Variants in CDRT15 observed in about 807,000 individuals in gnomAD.
CDRT15 encodes the protein CMT1A duplicated region transcript 15 protein.
Under a neutral mutation model 14.9 loss-of-function variants are expected in CDRT15, and 9 were observed. That is an observed-to-expected ratio of 0.60 (90% CI 0.36 to 1.06). The LOEUF (loss-of-function observed/expected upper bound fraction) is 1.06, where lower values mean the gene tolerates loss of function less well. Among genes scored for constraint, CDRT15 ranks in the 50% least tolerant of loss-of-function variants. The probability of loss-of-function intolerance (pLI) is 0.01; values close to 1 mark genes in which losing one functional copy is unlikely to be tolerated. For missense variants in CDRT15, 117 were observed against 235.3 expected (o/e 0.50, Z 3.29); for synonymous variants, 50 against 96.6 (o/e 0.52, Z 2.83).
Position 14,236,857 on chromosome 17 carries a change from C to A in CDRT15, c.-24G>T. 6.3e-7 allele frequency: 1 copy of A among 1,592,126 alleles called. No homozygotes were observed. Among genetic ancestry groups the A allele is most frequent in the South Asian group, 1.2e-5 (1 of 86,816 alleles). On this transcript the variant is annotated 5_prime_UTR_variant, in exon 1 of 3. Transcript: ENST00000420162. ...ATCTTGCTCTCTTGAGCGACTCCCA[C>A]CAAGTGAGCTGTTTACGGCGCTGAC...
chr17:14,236,212 C>G (rs1422975620), intron 2 of CDRT15, 70 bp downstream of exon 2: 51 of 1,588,958 alleles, frequency 3.2e-5, no homozygotes, highest in Middle Eastern at 2.1e-4. Context: ...CTGGTCACCC[C>G]CTCCCTCCCA....
At chr17:14,236,210 C>A (rs1387096597) in intron 2 of CDRT15, 72 bp downstream of exon 2, 4 of 1,587,504 alleles carry the variant, frequency 2.5e-6, no homozygotes, top group Non-Finnish European at 2.6e-6. Flanking sequence ...TGCTGGTCAC[C>A]CCCTCCCTCC....
chr17:14,236,022 A>G lies in CDRT15; in HGVS notation c.412-11T>C, dbSNP rs781317668. 3.7e-5 allele frequency: 60 copies of G among 1,609,756 alleles called. No homozygotes were observed. The highest frequency in any genetic ancestry group is 4.9e-5 in the Non-Finnish European group (58 of 1,177,894). ...GCTCTCCGGCACCTCCTGCACACAG[A>G]TAAACCAGGATCAGGAGAATAAACG... On this transcript the variant is annotated splice_polypyrimidine_tract_variant and intron_variant, in intron 2 of 2. Coordinates refer to ENST00000420162, the MANE Select transcript of CDRT15 (RefSeq NM_001007530.3).
Position 14,236,680 on chromosome 17 carries a change from G to A in CDRT15, c.154C>T (p.Leu52=), listed in dbSNP as rs980563118. Residue 52 remains leucine, a synonymous_variant, in exon 1 of 3, where the codon CTG becomes TTG. Coordinates refer to ENST00000420162, the MANE Select transcript of CDRT15 (RefSeq NM_001007530.3). ...IRRIQVPQDS[L]GQALAGQATP... The stretch of plus-strand genomic sequence containing the variant: ...GCCTGGCCTGCTAGGGCCTGCCCCA[G>A]GCTGTCCTGTGGTACCTGGATGCGC... 1.2e-6 allele frequency: 2 copies of A among 1,610,980 alleles called. No homozygotes were observed. The highest frequency in any genetic ancestry group is 8.5e-7 in the Non-Finnish European group (1 of 1,178,914).
Position 14,236,269 on chromosome 17 carries a change from C to G in CDRT15, c.411+13G>C. On this transcript the variant is annotated intron_variant, in intron 2 of 2. Transcript: ENST00000420162. ...TCAGTTCCAGGGTTAGGGCTAGTGGCTACAGTACGTGCCGTGATTTCAGGC... is the reference window on the plus strand; with the variant it reads ...TCAGTTCCAGGGTTAGGGCTAGTGGGTACAGTACGTGCCGTGATTTCAGGC... 2 of 1,611,120 alleles carry G rather than the reference C, an allele frequency of 1.2e-6. No homozygotes were observed. Among genetic ancestry groups the G allele is most frequent in the Non-Finnish European group, 1.7e-6 (2 of 1,179,172 alleles).
rs1216669385 is a variant in CDRT15, at chr17:14,236,733, G to A, written c.101C>T (p.Pro34Leu). 1 of 1,612,074 alleles carries A rather than the reference G, an allele frequency of 6.2e-7. No individual in the cohort carries two copies. Among genetic ancestry groups the A allele is most frequent in the South Asian group, 1.1e-5 (1 of 90,982 alleles). Residue 34 changes from proline to leucine, a missense_variant, in exon 1 of 3, where the codon CCC (proline) becomes CTC (leucine). Pro to Leu is a moderately conservative substitution (Grantham distance 98). Coordinates refer to ENST00000420162, the MANE Select transcript of CDRT15 (RefSeq NM_001007530.3). ...RRCRRRLIPH[P>L]RRLSPVVIRR... ...TATTACAACGGGCGACAGGCGTCTG[G>A]GGTGAGGGATGAGCCTTCTTCGGCA...
rs1907418131 is a variant in CDRT15 at position 14,236,810 on chromosome 17, A to G, written c.24T>C (p.Thr8=). 1 of 1,611,290 alleles carries G rather than the reference A, an allele frequency of 6.2e-7. No individual in the cohort carries two copies. The highest frequency in any genetic ancestry group is 1.7e-5 in the Admixed American group (1 of 59,956). Residue 8 remains threonine, a synonymous_variant, in exon 1 of 3, where the codon ACT becomes ACC. Transcript: ENST00000420162. ...CATTCCTGAAGCAGCAACCTCTCGA[A>G]GTGGGGAAGCAACACGAGAACATCT... MFSCCFP[T]SRGCCFRNGG...
At chr17:14,236,172 G>A (rs1907378979) in intron 2 of CDRT15, 110 bp downstream of exon 2, 2 of 1,541,486 alleles carry the variant, frequency 1.3e-6, no homozygotes, top group Non-Finnish European at 1.8e-6. Flanking sequence ...AGGACTAGGG[G>A]CAGCATGGGA....
chr17:14,236,819 G>A lies in CDRT15; in HGVS notation c.15C>T (p.Cys5=), dbSNP rs1218479136. The A allele has an allele frequency of 1.2e-6, 2 of 1,610,520 alleles. No individual in the cohort carries two copies. Among genetic ancestry groups the A allele is most frequent in the Non-Finnish European group, 8.5e-7 (1 of 1,178,984 alleles). Residue 5 remains cysteine, a synonymous_variant, in exon 1 of 3, where the codon TGC becomes TGT. Coordinates refer to ENST00000420162, the MANE Select transcript of CDRT15 (RefSeq NM_001007530.3). MFSC[C]FPTSRGCCFR... ...AGCAGCAACCTCTCGAAGTGGGGAA[G>A]CAACACGAGAACATCTTGCTCTCTT...
At position 14,236,601 on chromosome 17, in the gene CDRT15, A is replaced by G. The variant is rs1907404265; in HGVS notation, c.233T>C (p.Ile78Thr). Residue 78 changes from isoleucine (I) to threonine (T), a missense_variant, in exon 1 of 3, where the codon ATT (isoleucine) becomes ACT (threonine). Ile to Thr is a moderately conservative substitution (Grantham distance 89, BLOSUM62 -1). This residue lies in a region of CDRT15 where 61 missense variants were observed against 138.2 expected (regional missense o/e 0.44). Transcript: ENST00000420162. ...TGTCTGTGCCTCAATGAGCTCCTGA[A>G]TCTCCTGGACAAGGACAGTGTGCAG... The part of the protein sequence containing the change: ...LQLHTVLVQE[I>T]QELIEAQTLA... 1 of 1,508,858 alleles carries G rather than the reference A, an allele frequency of 6.6e-7. No homozygotes were observed. Among genetic ancestry groups the G allele is most frequent in the African/African-American group, 1.4e-5 (1 of 71,762 alleles). The allele number at this position is 1,508,858 out of a possible 1,614,324, so 93.5% of individuals were successfully genotyped here. A position where few individuals can be genotyped will look rare whatever the true frequency, so the allele number is the denominator to read the frequency against.
chr17:14,236,778 C>T lies in CDRT15; in HGVS notation c.56G>A (p.Ser19Asn), dbSNP rs140867188. The part of the protein sequence containing the change: ...SRGCCFRNGG[S>N]ESLFRRCRRR... ...TCGGCATCGTCGGAAAAGGCTCTCA[C>T]TCCCTCCATTCCTGAAGCAGCAACC... is the stretch of plus-strand genomic sequence containing the variant. The change falls in exon 1 of 3, where the codon AGT becomes AAT. Residue 19 changes from serine to asparagine, a missense_variant. This residue lies in a region of CDRT15 where 50 missense variants were observed against 48.8 expected (regional missense o/e 1.03). Coordinates refer to ENST00000420162, the MANE Select transcript of CDRT15 (RefSeq NM_001007530.3). 3.4e-5 allele frequency: 54 copies of T among 1,611,156 alleles called. No individual in the cohort carries two copies. Among genetic ancestry groups the T allele is most frequent in the Non-Finnish European group, 4.0e-5 (47 of 1,179,456 alleles).
In CDRT15 at chr17:14,236,403, G is replaced by C; in HGVS notation, c.290C>G (p.Ala97Gly). 1 of 1,607,806 alleles carries C rather than the reference G, an allele frequency of 6.2e-7. No homozygotes were observed. The highest frequency in any genetic ancestry group is 1.7e-5 in the Admixed American group (1 of 59,042). The change falls in exon 2 of 3, where the codon GCA (alanine) becomes GGA (glycine). Residue 97 changes from alanine to glycine, a missense_variant. Physicochemically the swap from Ala to Gly is moderately conservative, Grantham distance 60. This residue lies in a region of CDRT15 where 61 missense variants were observed against 138.2 expected (regional missense o/e 0.44). Coordinates refer to ENST00000420162, the MANE Select transcript of CDRT15 (RefSeq NM_001007530.3). ...TGGCTCCGCCGCTGGTGCTGGCAGT[G>C]CTCTTACTTCTGCACATGGACCAGG... The part of the protein sequence containing the change: ...LAPGPCAEVR[A>G]LPAPAAEPEP...
intron 2 of CDRT15, 97 bp downstream of exon 2, chr17:14,236,185 T>G (rs1316536645): frequency 6.4e-7 from 1 of 1,557,998 alleles, no homozygotes; most frequent in Non-Finnish European, 8.7e-7. Flanking sequence ...GCATGGGAGC[T>G]GCTGGCTGGG....
Position 14,236,659 on chromosome 17 carries a change from G to C in CDRT15, c.175C>G (p.Gln59Glu). Reference protein sequence around the residue: ...QDSLGQALAGQATPEIPLGLQ... With the variant: ...QDSLGQALAGEATPEIPLGLQ... ...CCCAATGGGATCTCTGGTGTGGCCT[G>C]GCCTGCTAGGGCCTGCCCCAGGCTG... Residue 59 changes from glutamine (Q) to glutamate (E), a missense_variant, in exon 1 of 3, where the codon CAG becomes GAG. Transcript: ENST00000420162. 1 of 1,605,340 alleles carries C rather than the reference G, an allele frequency of 6.2e-7. No individual in the cohort carries two copies. The highest frequency in any genetic ancestry group is 8.5e-7 in the Non-Finnish European group (1 of 1,175,916).
rs1339488948 is a variant in CDRT15, at chr17:14,236,273, A to G, written c.411+9T>C. The stretch of plus-strand genomic sequence containing the variant: ...TTCCAGGGTTAGGGCTAGTGGCTAC[A>G]GTACGTGCCGTGATTTCAGGCAGCT... On this transcript the variant is annotated intron_variant, in intron 2 of 2. Coordinates refer to ENST00000420162, the MANE Select transcript of CDRT15 (RefSeq NM_001007530.3). 3 of 1,611,356 alleles carry G rather than the reference A, an allele frequency of 1.9e-6. No individual in the cohort carries two copies. The highest frequency in any genetic ancestry group is 1.7e-6 in the Non-Finnish European group (2 of 1,179,284).
In CDRT15 at chr17:14,236,401, G is replaced by A. The variant is rs766056363; in HGVS notation, c.292C>T (p.Leu98=). 11 of 1,608,408 alleles carry A rather than the reference G, an allele frequency of 6.8e-6. No homozygotes were observed. Among genetic ancestry groups the A allele is most frequent in the Admixed American group, 1.7e-5 (1 of 59,186 alleles). The part of the protein sequence containing the change: ...APGPCAEVRA[L]PAPAAEPEPA... ...TCTGGCTCCGCCGCTGGTGCTGGCA[G>A]TGCTCTTACTTCTGCACATGGACCA... The change falls in exon 2 of 3, where the codon CTG becomes TTG. Residue 98 remains leucine (L), a synonymous_variant. Coordinates refer to ENST00000420162, the MANE Select transcript of CDRT15 (RefSeq NM_001007530.3).
chr17:14,236,756 G>A lies in CDRT15; in HGVS notation c.78C>T (p.Cys26=), dbSNP rs140717101. 1.1e-3 allele frequency: 1,711 copies of A among 1,612,034 alleles called. 1 individual carries two copies. The highest frequency in any genetic ancestry group is 1.4e-3 in the Non-Finnish European group (1,609 of 1,179,814). ...TGGGGTGAGGGATGAGCCTTCTTCG[G>A]CATCGTCGGAAAAGGCTCTCACTCC... is the stretch of plus-strand genomic sequence containing the variant. ...NGGSESLFRR[C]RRRLIPHPRR... Residue 26 remains cysteine (C), a synonymous_variant, in exon 1 of 3, where the codon TGC becomes TGT. Coordinates refer to ENST00000420162, the MANE Select transcript of CDRT15 (RefSeq NM_001007530.3).
At position 14,236,838 on chromosome 17, in the gene CDRT15, C is replaced by T. The variant is rs143035846; in HGVS notation, c.-5G>A. The T allele has an allele frequency of 7.1e-3, 11,430 of 1,602,952 alleles. 50 individuals are homozygous for T. Among genetic ancestry groups the T allele is most frequent in the Non-Finnish European group, 8.4e-3 (9,892 of 1,174,986 alleles). On this transcript the variant is annotated 5_prime_UTR_variant, in exon 1 of 3. Coordinates refer to ENST00000420162, the MANE Select transcript of CDRT15 (RefSeq NM_001007530.3). ...GGGGAAGCAACACGAGAACATCTTG[C>T]TCTCTTGAGCGACTCCCACCAAGTG... is the stretch of plus-strand genomic sequence containing the variant.
Position 14,236,860 on chromosome 17 carries a change from A to T in CDRT15, c.-27T>A, listed in dbSNP as rs369507252. ...TTGCTCTCTTGAGCGACTCCCACCA[A>T]GTGAGCTGTTTACGGCGCTGACTCT... On this transcript the variant is annotated 5_prime_UTR_variant, in exon 1 of 3. It adds an upstream start codon to the 5' untranslated region. Coordinates refer to ENST00000420162, the MANE Select transcript of CDRT15 (RefSeq NM_001007530.3). The T allele has an allele frequency of 1.9e-5, 31 of 1,590,166 alleles. No homozygotes were observed. Among genetic ancestry groups the T allele is most frequent in the Non-Finnish European group, 2.6e-5 (30 of 1,168,866 alleles).
Sources: gnomAD v4.1 joint callset for allele counts on GRCh38, gnomAD v4.1.1 for gene constraint, gnomAD v4.1.1 regional missense constraint, MANE v1.5 for transcripts, NCBI Gene and HGNC (gene_info 2026-07-23, HGNC 2026-07-21) for gene names.